The following B3GALT1 variants were observed in gnomAD, a reference collection of about 807,000 sequenced individuals.
B3GALT1 encodes the protein UDP-Gal:betaGlcNAc beta 1,3-galactosyltransferase, polypeptide 1.
A neutral mutation model predicts 23.2 loss-of-function variants in B3GALT1; 10 were observed. That is an observed-to-expected ratio of 0.43 (90% CI 0.27 to 0.73). The LOEUF is 0.73. B3GALT1 is among the 30% of genes least tolerant of loss of function. B3GALT1 has a pLI of 0.21. For missense variants in B3GALT1, 299 were observed against 405.4 expected (o/e 0.74, Z 2.25); for synonymous variants, 156 against 141.5 (o/e 1.10, Z -0.73).
intron 2 of B3GALT1, among the ~76,000 whole-genome samples, chr2:167,627,363 C>A (rs537055977): frequency 6.6e-6 from 1 of 151,654 alleles, no homozygotes; most frequent in Non-Finnish European, 1.5e-5. Context: ...TCAACTGATA[C>A]CTGATTTCTG....
chr2:167,730,711 A>G (rs75707418), intron 3 of B3GALT1, among the ~76,000 whole-genome samples: 4,206 of 152,290 alleles, frequency 0.028, 81 homozygotes, highest in Non-Finnish European at 0.037. Flanking sequence ...TATTATTATT[A>G]TTTAGCAGGA....
chr2:167,379,539 T>C (rs1046770603), intron 1 of B3GALT1, among the ~76,000 whole-genome samples: 5 of 152,170 alleles, frequency 3.3e-5, no homozygotes, highest in Non-Finnish European at 7.3e-5. Context: ...CTGTGGAGTT[T>C]ATTGGGTTGT....
In B3GALT1 at chr2:167,369,651, G is replaced by A. The variant is rs148737783; in HGVS notation, c.-511+76317G>A. On this transcript the variant is annotated intron_variant, in intron 1 of 4. Transcript: ENST00000392690. The stretch of plus-strand genomic sequence containing the variant: ...TTTAACCATCCAGGCGTAGATTGGA[G>A]TACATTAAGTGGGGGAAATGAGGCT... Among the ~76,000 whole-genome samples, 875 of 152,268 alleles carry A rather than the reference G, an allele frequency of 5.7e-3. 7 individuals are homozygous for A. Among genetic ancestry groups the A allele is most frequent in the African/African-American group, 0.017 (717 of 41,550 alleles).
In B3GALT1 at chr2:167,323,273, T is replaced by C. The variant is rs564665359; in HGVS notation, c.-511+29939T>C. On this transcript the variant is annotated intron_variant, in intron 1 of 4. Coordinates refer to ENST00000392690, the MANE Select transcript of B3GALT1 (RefSeq NM_020981.4). ...GAGTATATACGATGTGGCATGCATA[T>C]TGGATATACGAAAAATTCATTTTAG... is the stretch of plus-strand genomic sequence containing the variant. Among the ~76,000 whole-genome samples the C allele has an allele frequency of 5.9e-5, 9 of 152,220 alleles. No individual in the cohort carries two copies. In the South Asian group the frequency reaches 1.9e-3, roughly 32 times the overall value.
intron 1 of B3GALT1, among the ~76,000 whole-genome samples, chr2:167,363,330 A>G (rs1359348485): frequency 6.6e-6 from 1 of 151,812 alleles, no homozygotes; most frequent in Non-Finnish European, 1.5e-5. Context: ...TCACTTTCAC[A>G]CTTGCCTCAT....
At chr2:167,710,235 G>A (rs1687028037) in intron 3 of B3GALT1, among the ~76,000 whole-genome samples, 1 of 152,128 alleles carries the variant, frequency 6.6e-6, no homozygotes, top group African/African-American at 2.4e-5. Flanking sequence ...ATTAAGTGTA[G>A]GAATGAAACA....
chr2:167,352,103 G>C (rs1046578122), intron 1 of B3GALT1, among the ~76,000 whole-genome samples: 2 of 151,434 alleles, frequency 1.3e-5, no homozygotes, highest in Non-Finnish European at 2.9e-5. Context: ...GGAATTACAG[G>C]AGTGCACCAC....
At chr2:167,851,350 A>G (rs1689882845) in intron 4 of B3GALT1, among the ~76,000 whole-genome samples, 1 of 152,120 alleles carries the variant, frequency 6.6e-6, no homozygotes, top group African/African-American at 2.4e-5. Context: ...AAAAAACACA[A>G]TAACAAAAAA....
intron 3 of B3GALT1, among the ~76,000 whole-genome samples, chr2:167,707,343 T>C (rs867596133): frequency 6.6e-6 from 1 of 152,170 alleles, no homozygotes; most frequent in Non-Finnish European, 1.5e-5. Context: ...TTGACAGATA[T>C]GCGTTTGCTG....
chr2:167,761,072 T>C (rs1687893028), intron 3 of B3GALT1, among the ~76,000 whole-genome samples: 1 of 152,198 alleles, frequency 6.6e-6, no homozygotes, highest in Non-Finnish European at 1.5e-5. Flanking sequence ...ATTGGCAGCA[T>C]GGTCTCAGGG....
In B3GALT1 at chr2:167,398,662, T is replaced by A. The variant is rs140606822; in HGVS notation, c.-510-91515T>A. ...TGAGAGGAATACCCACCAAGGATAT[T>A]TATGAGAGAATCCACTGAGGTATAA... is the stretch of plus-strand genomic sequence containing the variant. On this transcript the variant is annotated intron_variant, in intron 1 of 4. Coordinates refer to ENST00000392690, the MANE Select transcript of B3GALT1 (RefSeq NM_020981.4). Among the ~76,000 whole-genome samples the A allele has an allele frequency of 3.7e-4, 57 of 152,262 alleles. No individual in the cohort carries two copies. The East Asian group carries it at 8.5e-3, about 23-fold the overall frequency.
intron 2 of B3GALT1, among the ~76,000 whole-genome samples, chr2:167,626,268 A>T (rs1410568396): frequency 1.3e-5 from 2 of 151,496 alleles, no homozygotes; most frequent in African/African-American, 4.8e-5. Context: ...TCATACTGAA[A>T]TCTCGAATTC....
intron 4 of B3GALT1, among the ~76,000 whole-genome samples, chr2:167,821,988 G>C (rs1249737912): frequency 6.6e-6 from 1 of 152,202 alleles, no homozygotes; most frequent in African/African-American, 2.4e-5. Context: ...TAGGCTTAGT[G>C]CTAGGTGCTT....
At chr2:167,365,367 T>G (rs1230685150) in intron 1 of B3GALT1, among the ~76,000 whole-genome samples, 1 of 152,072 alleles carries the variant, frequency 6.6e-6, no homozygotes, top group Non-Finnish European at 1.5e-5. Flanking sequence ...ACACTTCAGG[T>G]TATGTTTCAT....
chr2:167,544,865 T>C (rs1408630650), intron 2 of B3GALT1, among the ~76,000 whole-genome samples: 1 of 152,054 alleles, frequency 6.6e-6, no homozygotes, highest in Non-Finnish European at 1.5e-5. Flanking sequence ...AATGAAGCCG[T>C]GGACCGCAGC....
chr2:167,543,962 C>T (rs1285986160), intron 2 of B3GALT1, among the ~76,000 whole-genome samples: 2 of 152,188 alleles, frequency 1.3e-5, no homozygotes, highest in Admixed American at 6.5e-5. Flanking sequence ...GCCCTTGGCT[C>T]GATTCAGCTC....
At chr2:167,402,945 C>T (rs745762877) in intron 1 of B3GALT1, among the ~76,000 whole-genome samples, 2 of 152,110 alleles carry the variant, frequency 1.3e-5, no homozygotes, top group South Asian at 2.1e-4. Context: ...AATAGGAGGA[C>T]ACTCCCATCC....
intron 2 of B3GALT1, among the ~76,000 whole-genome samples, chr2:167,603,434 A>G (rs988072978): frequency 3.3e-5 from 5 of 152,230 alleles, no homozygotes; most frequent in Non-Finnish European, 7.3e-5. Flanking sequence ...AAACAGGGAA[A>G]ACATTAGTAT....
rs114393894 is a variant in B3GALT1 at position 167,586,712 on chromosome 2, G to A, written c.-409-60197G>A. On this transcript the variant is annotated intron_variant, in intron 2 of 4. Coordinates refer to ENST00000392690, the MANE Select transcript of B3GALT1 (RefSeq NM_020981.4). Reference sequence around the variant, plus strand: ...ATATGTCACATAGAATTAAAGTGTCGGAATATTGATAACCAGTTTTAAGAT... The same window carrying A: ...ATATGTCACATAGAATTAAAGTGTCAGAATATTGATAACCAGTTTTAAGAT... Among the ~76,000 whole-genome samples the A allele has an allele frequency of 1.1e-3, 164 of 152,168 alleles. 2 individuals are homozygous for A. Among genetic ancestry groups the A allele is most frequent in the African/African-American group, 3.6e-3 (150 of 41,514 alleles).
Sources: allele counts gnomAD v4.1 joint callset (sites outside exome capture counted in the v4.1 genomes callset), GRCh38; gene constraint gnomAD v4.1.1; transcripts MANE v1.5; gene names NCBI Gene and HGNC (gene_info 2026-07-23, HGNC 2026-07-21).